Variants in FUBP1 observed in about 807,000 individuals in gnomAD.
FUBP1 encodes the protein far upstream element binding protein 1.
A neutral mutation model predicts 94.9 loss-of-function variants in FUBP1; 16 were observed. The ratio of observed to expected loss-of-function variants is 0.17; its 90% CI spans 0.11 to 0.26. The LOEUF (loss-of-function observed/expected upper bound fraction) is 0.26. Among genes scored for constraint, FUBP1 ranks in the 10% least tolerant of loss-of-function variants. FUBP1 has a pLI of 1.00. For missense variants in FUBP1, 583 were observed against 808.6 expected, an observed-to-expected ratio of 0.72 and a Z score of 3.38; for synonymous variants, 279 against 254.9, an observed-to-expected ratio of 1.09 and a Z score of -0.90.
rs60897865 is a variant in FUBP1, at chr1:77,948,625, CAAAAAAAA to C, written c.*133_*140del. 64 of 980,878 alleles carry C rather than the reference CAAAAAAAA, an allele frequency of 6.5e-5. No individual in the cohort carries two copies. Among genetic ancestry groups the C allele is most frequent in the Non-Finnish European group, 7.8e-5 (59 of 754,358 alleles). 60.8% of individuals were successfully genotyped at this position (980,878 alleles called of 1,614,324 possible). ...TAGTGATAGATATTTTGTACATTTT[CAAAAAAAA>C]AAAAAAAAAAGGAAACACTATTTTA... On this transcript the variant is annotated 3_prime_UTR_variant, in exon 20 of 20. Coordinates refer to ENST00000370768, the MANE Select transcript of FUBP1 (RefSeq NM_003902.5).
At chr1:77,952,373 T>G (rs906860881) in intron 18 of FUBP1, among the ~76,000 whole-genome samples, 4 of 152,038 alleles carry the variant, frequency 2.6e-5, no homozygotes, top group African/African-American at 9.7e-5. Flanking sequence ...CAATAGTTTT[T>G]TTTTTTTTTC....
At chr1:77,954,768 T>C (rs968010110) in intron 18 of FUBP1, among the ~76,000 whole-genome samples, 1 of 152,204 alleles carries the variant, frequency 6.6e-6, no homozygotes, top group Non-Finnish European at 1.5e-5. Flanking sequence ...TCCAGAAGTA[T>C]AGTATCAGGT....
chr1:77,964,191 A>C (rs974006885), intron 11 of FUBP1, 29 bp from the exon 12 acceptor site: 1 of 1,555,264 alleles, frequency 6.4e-7, no homozygotes, highest in Non-Finnish European at 8.9e-7. Context: ...AAATTAATTA[A>C]ACAATAAATG....
At chr1:77,972,334 AT>A (rs1177746497) in intron 1 of FUBP1, among the ~76,000 whole-genome samples, 3 of 152,150 alleles carry the variant, frequency 2.0e-5, no homozygotes, top group African/African-American at 7.2e-5. Flanking sequence ...GCTTTTATAA[AT>A]ACTCTATGAG....
At chr1:77,955,854 T>C (rs1409563645) in intron 17 of FUBP1, among the ~76,000 whole-genome samples, 2 of 152,164 alleles carry the variant, frequency 1.3e-5, no homozygotes, top group African/African-American at 4.8e-5. Flanking sequence ...CGTTTCTAAC[T>C]ACCATACTCT....
At chr1:77,967,818 A>T in intron 3 of FUBP1, 152 bp from the exon 4 acceptor site, 1 of 576,046 alleles carries the variant, frequency 1.7e-6, no homozygotes, top group Non-Finnish European at 3.0e-6. Context: ...CAATATTTAT[A>T]TTGGCATTGA....
In FUBP1 at chr1:77,963,558, G is replaced by A. The variant is rs1655923791; in HGVS notation, c.1183+16C>T. On this transcript the variant is annotated intron_variant, in intron 13 of 19. Transcript: ENST00000370768. The stretch of plus-strand genomic sequence containing the variant: ...TGAATAATGTGTTAAAACATTAAGA[G>A]TTTAAAATACATTGCCTTTTCCTAT... The A allele has an allele frequency of 6.7e-7, 1 of 1,484,898 alleles. No homozygotes were observed. The highest frequency in any genetic ancestry group is 9.4e-7 in the Non-Finnish European group (1 of 1,064,800). The allele number at this position is 1,484,898 out of a possible 1,614,324, so 92.0% of individuals were successfully genotyped here. A position where few individuals can be genotyped will look rare whatever the true frequency, so the allele number is the denominator to read the frequency against.
intron 7 of FUBP1, 44 bp downstream of exon 7, chr1:77,966,650 T>C: frequency 1.1e-6 from 1 of 929,412 alleles, no homozygotes; most frequent in South Asian, 1.4e-5. Flanking sequence ...CAAAGAGTTC[T>C]GCTGTTGTTA....
intron 1 of FUBP1, among the ~76,000 whole-genome samples, chr1:77,973,302 G>A (rs918854209): frequency 1.3e-5 from 2 of 152,148 alleles, no homozygotes; most frequent in Non-Finnish European, 2.9e-5. Flanking sequence ...CTAGAGTGCA[G>A]TGGCGTGATC....
Position 77,973,780 on chromosome 1 carries a change from T to C in FUBP1, c.121-3765A>G, listed in dbSNP as rs1658057988. 2.0e-5 allele frequency among the ~76,000 whole-genome samples: 3 copies of C among 152,162 alleles called. No individual in the cohort carries two copies. The South Asian group carries it at 6.2e-4, about 32-fold the overall frequency. On this transcript the variant is annotated intron_variant, in intron 1 of 19. Coordinates refer to ENST00000370768, the MANE Select transcript of FUBP1 (RefSeq NM_003902.5). ...TCTTCACGGTTTCAGTTACCTATGA[T>C]ATAGTACAATCAGATATTCTGGGGT...
chr1:77,975,001 T>C (rs1396001968), intron 1 of FUBP1, among the ~76,000 whole-genome samples: 1 of 152,264 alleles, frequency 6.6e-6, no homozygotes, highest in East Asian at 1.9e-4. Context: ...AATCCTTCAG[T>C]ATACTTAAAG....
chr1:77,972,247 G>C (rs1026798658), intron 1 of FUBP1, among the ~76,000 whole-genome samples: 1 of 152,172 alleles, frequency 6.6e-6, no homozygotes, highest in South Asian at 2.1e-4. Context: ...ATAGTAGAAG[G>C]AAAGTATTTC....
chr1:77,963,734 A>G lies in FUBP1; in HGVS notation c.1042-19T>C, dbSNP rs369249161. The G allele has an allele frequency of 1.1e-5, 17 of 1,581,616 alleles. No homozygotes were observed. The highest frequency in any genetic ancestry group is 1.9e-5 in the Admixed American group (1 of 51,794). ...TACCAGCCTATAGAGAGGGAAAGAC[A>G]AGAACGAAGAGTCAGCACAGAAATA... On this transcript the variant is annotated intron_variant, in intron 12 of 19. Transcript: ENST00000370768.
chr1:77,949,593 C>T (rs544328228), intron 18 of FUBP1, among the ~76,000 whole-genome samples: 4 of 151,510 alleles, frequency 2.6e-5, no homozygotes, highest in South Asian at 2.1e-4. Context: ...AAAAAAAGAA[C>T]GCTCTTTTCT....
intron 18 of FUBP1, among the ~76,000 whole-genome samples, chr1:77,954,219 T>C (rs1268855793): frequency 6.6e-6 from 1 of 152,230 alleles, no homozygotes; most frequent in Non-Finnish European, 1.5e-5. Context: ...TGATTATTAA[T>C]AGCATCCCTA....
At chr1:77,976,744 C>T (rs1243198442) in intron 1 of FUBP1, among the ~76,000 whole-genome samples, 2 of 152,192 alleles carry the variant, frequency 1.3e-5, no homozygotes, top group Non-Finnish European at 2.9e-5. Context: ...CTGCCTGCCT[C>T]AGCCTCCCAA....
rs761467589 is a variant in FUBP1 at position 77,967,602 on chromosome 1, C to T, written c.290+25G>A. 3 of 1,570,192 alleles carry T rather than the reference C, an allele frequency of 1.9e-6. No individual in the cohort carries two copies. The African/African-American group carries it at 4.0e-5, about 21-fold the overall frequency. On this transcript the variant is annotated intron_variant, in intron 4 of 19. Transcript: ENST00000370768. ...CAGCTCAACCAAAACTTGCAGAGTACTTTTTGAAAATCTTGTGACTATACC... is the reference window on the plus strand; with the variant it reads ...CAGCTCAACCAAAACTTGCAGAGTATTTTTTGAAAATCTTGTGACTATACC...
intron 17 of FUBP1, among the ~76,000 whole-genome samples, chr1:77,955,707 T>C (rs899946477): frequency 4.6e-5 from 7 of 152,208 alleles, no homozygotes; most frequent in Non-Finnish European, 1.0e-4. Flanking sequence ...TTTAAAAATA[T>C]ATACATATAT....
chr1:77,957,007 G>C (rs982579258), intron 16 of FUBP1, among the ~76,000 whole-genome samples: 1 of 152,054 alleles, frequency 6.6e-6, no homozygotes, highest in African/African-American at 2.4e-5. Flanking sequence ...AAACCATCCT[G>C]TGCCCTTGTT....
Sources: allele counts gnomAD v4.1 joint callset (sites outside exome capture counted in the v4.1 genomes callset), GRCh38; gene constraint gnomAD v4.1.1; transcripts MANE v1.5; gene names NCBI Gene and HGNC (gene_info 2026-07-23, HGNC 2026-07-21).